RBFOX1: variants seen among roughly 807,000 people sequenced by gnomAD.
RBFOX1 encodes RNA binding protein fox-1 homolog 1.
Under a neutral mutation model 57.7 loss-of-function variants are expected in RBFOX1, and 8 were observed. That is an observed-to-expected ratio of 0.14 (90% CI 0.08 to 0.25). The LOEUF is 0.25. Ranked by LOEUF, RBFOX1 falls within the 10% of genes least tolerant of loss-of-function variation. The probability of loss-of-function intolerance (pLI) is 1.00; values close to 1 mark genes in which losing one functional copy is unlikely to be tolerated. For missense variants in RBFOX1, 611 were observed against 548.5 expected (o/e 1.11, Z -1.14); for synonymous variants, 326 against 222.4 (o/e 1.47, Z -4.15).
chr16:7,641,383 T>C (rs2143304221), intron 11 of RBFOX1, among the ~76,000 whole-genome samples: 1 of 152,344 alleles, frequency 6.6e-6, no homozygotes, highest in Middle Eastern at 3.4e-3. Flanking sequence ...TCTTAAATCA[T>C]GTTTTTATAT....
At chr16:6,487,703 ATATATATATATATATATATAT>A (rs1567405376) in intron 2 of RBFOX1, among the ~76,000 whole-genome samples, 2 of 4,780 alleles carry the variant, frequency 4.2e-4, no homozygotes, top group African/African-American at 6.6e-4. Flanking sequence ...AAAAAAAAAT[ATATATATATATATATATATAT>A]ATATATATAT....
intron 3 of RBFOX1, among the ~76,000 whole-genome samples, chr16:6,978,466 C>T (rs150785678): frequency 2.6e-5 from 4 of 152,124 alleles, no homozygotes; most frequent in African/African-American, 7.2e-5. Context: ...TTACTTATTA[C>T]GTTTTCATTA....
At chr16:6,759,971 C>T (rs1302764023) in intron 3 of RBFOX1, among the ~76,000 whole-genome samples, 1 of 152,104 alleles carries the variant, frequency 6.6e-6, no homozygotes, top group Non-Finnish European at 1.5e-5. Flanking sequence ...TGTATCAGCC[C>T]TTGTGGAGTC....
At chr16:5,730,165 A>T (rs966108569) in intron 3 of RBFOX1, among the ~76,000 whole-genome samples, 11 of 152,186 alleles carry the variant, frequency 7.2e-5, no homozygotes, top group Non-Finnish European at 1.6e-4. Flanking sequence ...GAAGATTATA[A>T]TGTTCATTGA....
At chr16:6,367,258 G>C (rs896204112) in intron 2 of RBFOX1, among the ~76,000 whole-genome samples, 1 of 139,338 alleles carries the variant, frequency 7.2e-6, no homozygotes, top group African/African-American at 3.1e-5. Flanking sequence ...TTGTTTGTTT[G>C]TTTTGTTTTG....
intron 4 of RBFOX1, among the ~76,000 whole-genome samples, chr16:7,318,947 C>T (rs189681843): frequency 1.6e-4 from 24 of 152,210 alleles, no homozygotes; most frequent in African/African-American, 3.4e-4. Context: ...TGATAAATAG[C>T]GCCTGCAAAT....
intron 4 of RBFOX1, among the ~76,000 whole-genome samples, chr16:7,498,316 T>C (rs1171327767): frequency 6.6e-6 from 1 of 152,118 alleles, no homozygotes; most frequent in South Asian, 2.1e-4. Context: ...CAATCTTAGC[T>C]CTATTAATGA....
At chr16:5,732,397 C>A (rs1206027610) in intron 3 of RBFOX1, among the ~76,000 whole-genome samples, 1 of 152,296 alleles carries the variant, frequency 6.6e-6, no homozygotes, top group African/African-American at 2.4e-5. Flanking sequence ...CAAAGCAACT[C>A]AGGAGCAAGA....
chr16:6,331,570 GTGTGTGTGTATATATATA>G (rs1047699077), intron 2 of RBFOX1, among the ~76,000 whole-genome samples: 11 of 142,392 alleles, frequency 7.7e-5, no homozygotes, highest in African/African-American at 2.7e-4. Flanking sequence ...TATATAATAT[GTGTGTGTGTATATATATA>G]TGTGTGTGTA....
chr16:6,425,376 C>G (rs1375811695), intron 2 of RBFOX1, among the ~76,000 whole-genome samples: 1 of 152,144 alleles, frequency 6.6e-6, no homozygotes, highest in Non-Finnish European at 1.5e-5. Flanking sequence ...AATTAACAGC[C>G]TCTCCTGAAT....
At position 6,926,399 on chromosome 16, in the gene RBFOX1, G is replaced by A. The variant is rs538520785; in HGVS notation, c.-15-125658G>A. ...ACCCGCCTGCAGAAAGTACCCACTG[G>A]GATCCTCACCACACAGCAGGCCTCA... On this transcript the variant is annotated intron_variant, in intron 3 of 15. Coordinates refer to ENST00000550418, the MANE Select transcript of RBFOX1 (RefSeq NM_018723.4). Among the ~76,000 whole-genome samples the A allele has an allele frequency of 2.4e-4, 37 of 152,310 alleles. 1 individual carries two copies. The highest frequency in any genetic ancestry group is 8.9e-4 in the African/African-American group (37 of 41,572).
At chr16:6,600,732 T>A (rs768510685) in intron 2 of RBFOX1, among the ~76,000 whole-genome samples, 6 of 152,220 alleles carry the variant, frequency 3.9e-5, no homozygotes, top group Non-Finnish European at 8.8e-5. Flanking sequence ...ATGAAACATT[T>A]GTCCTCACAG....
intron 4 of RBFOX1, among the ~76,000 whole-genome samples, chr16:7,280,533 C>A (rs956618900): frequency 1.3e-5 from 2 of 152,118 alleles, no homozygotes; most frequent in Non-Finnish European, 2.9e-5. Flanking sequence ...ACATGGAGAT[C>A]ATCATGTGAT....
intron 3 of RBFOX1, among the ~76,000 whole-genome samples, chr16:5,612,993 G>C (rs1331217433): frequency 6.6e-6 from 1 of 152,176 alleles, no homozygotes; most frequent in Non-Finnish European, 1.5e-5. Flanking sequence ...AGGTAGAATG[G>C]ACTCCATTTT....
intron 3 of RBFOX1, among the ~76,000 whole-genome samples, chr16:6,908,243 C>G (rs774107972): frequency 1.6e-4 from 24 of 151,718 alleles, no homozygotes; most frequent in Admixed American, 3.3e-4. Flanking sequence ...ATTTCATCTT[C>G]TCTCCTCCAG....
intron 2 of RBFOX1, among the ~76,000 whole-genome samples, chr16:6,454,493 G>A (rs922625605): frequency 4.6e-5 from 7 of 152,186 alleles, no homozygotes; most frequent in African/African-American, 1.7e-4. Context: ...GGGAGATCAA[G>A]ACTGTGGTGA....
chr16:7,313,490 G>C (rs141408649), intron 4 of RBFOX1, among the ~76,000 whole-genome samples: 1 of 141,050 alleles, frequency 7.1e-6, no homozygotes, highest in Non-Finnish European at 1.5e-5. Context: ...TTTTTTTAAG[G>C]CTCTTTGGTT....
At chr16:6,517,083 C>G (rs998688437) in intron 2 of RBFOX1, among the ~76,000 whole-genome samples, 3 of 152,104 alleles carry the variant, frequency 2.0e-5, no homozygotes, top group Non-Finnish European at 4.4e-5. Flanking sequence ...AAGGCATGTC[C>G]AAGGTTGTGA....
chr16:7,403,334 G>T (rs75569311), intron 4 of RBFOX1, among the ~76,000 whole-genome samples: 9,005 of 152,100 alleles, frequency 0.059, 339 homozygotes, highest in East Asian at 0.19. Context: ...CTAGAATTCA[G>T]TCATCTTGGA....
Sources: gnomAD v4.1 joint callset for allele counts (sites outside exome capture counted in the v4.1 genomes callset) on GRCh38, gnomAD v4.1.1 for gene constraint, MANE v1.5 for transcripts, NCBI Gene and HGNC (gene_info 2026-07-23, HGNC 2026-07-21) for gene names.